SLC2A9: variants seen among roughly 807,000 people sequenced by gnomAD.
The protein encoded by SLC2A9 is solute carrier family 2 member 9.
A neutral mutation model predicts 50.6 loss-of-function variants in SLC2A9; 39 were observed. The ratio of observed to expected loss-of-function variants is 0.77; its 90% confidence interval spans 0.60 to 1.01. The LOEUF is 1.01. Ranked by LOEUF, SLC2A9 falls within the 50% of genes least tolerant of loss-of-function variation. The pLI is 0.00. For missense variants in SLC2A9, 686 were observed against 677.6 expected, an observed-to-expected ratio of 1.01 and a Z score of -0.14; for synonymous variants, 324 against 276.9, an observed-to-expected ratio of 1.17 and a Z score of -1.69.
chr4:9,915,288 A>G (rs1475234305), intron 7 of SLC2A9, among the ~76,000 whole-genome samples: 1 of 152,224 alleles, frequency 6.6e-6, no homozygotes, highest in Non-Finnish European at 1.5e-5. Context: ...CCCAGGCTGG[A>G]GTGCAATGGT....
intron 10 of SLC2A9, among the ~76,000 whole-genome samples, chr4:9,874,944 CGTCTGTCT>C (rs1734058703): frequency 1.1e-5 from 1 of 93,494 alleles, no homozygotes; most frequent in Non-Finnish European, 2.2e-5. Context: ...CATAGGTTAG[CGTCTGTCT>C]AAGATGGGAT....
chr4:9,954,833 G>C (rs1313614129), intron 5 of SLC2A9, among the ~76,000 whole-genome samples: 5 of 151,958 alleles, frequency 3.3e-5, no homozygotes, highest in Admixed American at 3.3e-4. Context: ...TTGTTAAACT[G>C]TCTCTCTAAA....
chr4:9,966,347 C>G (rs1188296380), intron 5 of SLC2A9, among the ~76,000 whole-genome samples: 1 of 152,188 alleles, frequency 6.6e-6, no homozygotes, highest in Non-Finnish European at 1.5e-5. Flanking sequence ...TTACAAATCA[C>G]ACTTTTTCAG....
intron 6 of SLC2A9, among the ~76,000 whole-genome samples, chr4:9,927,189 C>CTGACTAATTTTT (rs113775242): frequency 0.33 from 50,202 of 151,820 alleles, 9,825 homozygotes; most frequent in African/African-American, 0.53. Context: ...GCCACCACGC[C>CTGACTAATTTTT]TGTATTTAGT....
downstream of SLC2A9, among the ~76,000 whole-genome samples, chr4:9,775,976 C>T (rs1375570563): frequency 6.6e-6 from 1 of 152,038 alleles, no homozygotes; most frequent in Non-Finnish European, 1.5e-5. Flanking sequence ...GTGGGATGTT[C>T]CTAAGGCTCA....
chr4:9,997,668 C>G (rs1758939035), intron 2 of SLC2A9, among the ~76,000 whole-genome samples: 1 of 151,954 alleles, frequency 6.6e-6, no homozygotes, highest in Non-Finnish European at 1.5e-5. Flanking sequence ...CCATTGCACT[C>G]CAGCCTGGGT....
intron 5 of SLC2A9, among the ~76,000 whole-genome samples, chr4:9,957,711 G>A (rs1228836305): frequency 2.0e-5 from 3 of 152,104 alleles, no homozygotes; most frequent in African/African-American, 7.2e-5. Context: ...AAATACAGTG[G>A]ACAAGTTGGA....
intron 6 of SLC2A9, among the ~76,000 whole-genome samples, chr4:9,938,470 A>T (rs972799227): frequency 1.3e-5 from 2 of 151,970 alleles, no homozygotes; most frequent in Non-Finnish European, 2.9e-5. Flanking sequence ...ACAGGGTTTC[A>T]CCGTGTTAGC....
At chr4:9,883,792 A>G (rs1163040733) in intron 10 of SLC2A9, among the ~76,000 whole-genome samples, 1 of 152,104 alleles carries the variant, frequency 6.6e-6, no homozygotes, top group Non-Finnish European at 1.5e-5. Context: ...TCATGATTAA[A>G]CCACCTGCAA....
intron 2 of SLC2A9, among the ~76,000 whole-genome samples, chr4:9,999,752 C>T (rs1297700544): frequency 6.6e-6 from 1 of 151,974 alleles, no homozygotes; most frequent in African/African-American, 2.4e-5. Flanking sequence ...AGGGGGAGGA[C>T]ATGGTGTGGC....
chr4:9,818,250 G>A (rs887842068), intron 3 of SLC2A9, among the ~76,000 whole-genome samples: 3 of 152,098 alleles, frequency 2.0e-5, no homozygotes, highest in African/African-American at 7.2e-5. Context: ...TCCTGGATCT[G>A]TTAAACAGGA....
Position 9,943,155 on chromosome 4 carries a change from T to A in SLC2A9, c.682-1110A>T, listed in dbSNP as rs547701296. On this transcript the variant is annotated intron_variant, in intron 5 of 11. Transcript: ENST00000264784. ...TCCCAAGACTCGCTCCCTACTGAGGTCCATGGTAACAGAGACTTTTGCAAG... is the reference window on the plus strand; with the variant it reads ...TCCCAAGACTCGCTCCCTACTGAGGACCATGGTAACAGAGACTTTTGCAAG... Among the ~76,000 whole-genome samples the A allele has an allele frequency of 1.8e-4, 28 of 152,082 alleles. No homozygotes were observed. The South Asian group carries it at 5.4e-3, about 29-fold the overall frequency.
chr4:9,942,766 C>T (rs899492165), intron 5 of SLC2A9, among the ~76,000 whole-genome samples: 4 of 152,346 alleles, frequency 2.6e-5, no homozygotes, highest in South Asian at 2.1e-4. Context: ...AGGTAGTATT[C>T]GTCCTAACCT....
chr4:9,794,915 G>A (rs1443231769), downstream of SLC2A9, among the ~76,000 whole-genome samples: 1 of 151,572 alleles, frequency 6.6e-6, no homozygotes, highest in Non-Finnish European at 1.5e-5. Context: ...CTGGGTTTGG[G>A]ACCAACATCA....
In SLC2A9 at chr4:9,996,591, C is replaced by CCTGGT. The variant is rs1371601183; in HGVS notation, c.410+189_410+190insACCAG. ...ATACGCTTCTGCTGCTGCTCATCAGCCTGCAGTCCATGGCTTCAGTTATCT... is the reference window on the plus strand; with the variant it reads ...ATACGCTTCTGCTGCTGCTCATCAGCCTGGTCTGCAGTCCATGGCTTCAGTTATCT... On this transcript the variant is annotated intron_variant, in intron 3 of 11. Transcript: ENST00000264784. Among the ~76,000 whole-genome samples the CCTGGT allele has an allele frequency of 6.6e-5, 10 of 152,194 alleles. No homozygotes were observed. In the South Asian group the frequency reaches 1.7e-3, roughly 25 times the overall value.
At chr4:9,848,726 G>A (rs578063649) in intron 10 of SLC2A9, among the ~76,000 whole-genome samples, 4 of 146,236 alleles carry the variant, frequency 2.7e-5, no homozygotes, top group Admixed American at 2.7e-4. Flanking sequence ...TGGAGACCGA[G>A]TCTCACTCTG....
At chr4:9,946,940 T>A (rs998676) in intron 5 of SLC2A9, among the ~76,000 whole-genome samples, 1 of 151,994 alleles carries the variant, frequency 6.6e-6, no homozygotes, top group Admixed American at 6.5e-5. Context: ...CAAAATCAAC[T>A]GAATTGAATG....
downstream of SLC2A9, among the ~76,000 whole-genome samples, chr4:9,797,423 A>C (rs1354175732): frequency 6.6e-6 from 1 of 152,202 alleles, no homozygotes; most frequent in Non-Finnish European, 1.5e-5. Context: ...TCTGGACTCA[A>C]GTATTTAGGC....
At chr4:9,854,203 G>T (rs537245710) in intron 10 of SLC2A9, among the ~76,000 whole-genome samples, 3 of 152,106 alleles carry the variant, frequency 2.0e-5, no homozygotes, top group Admixed American at 6.5e-5. Flanking sequence ...TTCAAGAGTT[G>T]ATTTTTTTAA....
Sources: allele counts gnomAD v4.1 joint callset (sites outside exome capture counted in the v4.1 genomes callset), GRCh38; gene constraint gnomAD v4.1.1; transcripts MANE v1.5; gene names NCBI Gene and HGNC (gene_info 2026-07-23, HGNC 2026-07-21).